The following CYP2C8 variants were observed in gnomAD, a reference collection of about 807,000 sequenced individuals.
The protein encoded by CYP2C8 is cytochrome P450 family 2 subfamily C member 8.
In CYP2C8, 51 loss-of-function variants were observed where a neutral mutation model predicts 41.3. The observed-to-expected ratio is 1.24, with a 90% confidence interval of 0.99 to 1.56. The LOEUF is 1.56. Ranked by LOEUF, CYP2C8 falls within the 40% of genes most tolerant of loss-of-function variation. The pLI is 0.00. For missense variants in CYP2C8, 651 were observed against 579.9 expected (o/e 1.12, Z -1.26); for synonymous variants, 218 against 205.8 (o/e 1.06, Z -0.51).
At chr10:95,060,761 T>C (rs1397043915) in intron 4 of CYP2C8, among the ~76,000 whole-genome samples, 1 of 152,150 alleles carries the variant, frequency 6.6e-6, no homozygotes. Context: ...GCCCATTCAG[T>C]ATGATACTGG....
At chr10:95,050,247 G>T (rs759199679) in intron 5 of CYP2C8, among the ~76,000 whole-genome samples, 1 of 152,086 alleles carries the variant, frequency 6.6e-6, no homozygotes, top group African/African-American at 2.4e-5. Context: ...CAGCTCAGCT[G>T]CAGTACAATA....
intron 5 of CYP2C8, among the ~76,000 whole-genome samples, chr10:95,050,842 A>G (rs1332309924): frequency 6.6e-6 from 1 of 151,622 alleles, no homozygotes; most frequent in Non-Finnish European, 1.5e-5. Flanking sequence ...AGTCCTTTTT[A>G]ATATCTGGAA....
intron 5 of CYP2C8, among the ~76,000 whole-genome samples, chr10:95,054,634 T>A (rs771782636): frequency 3.8e-4 from 58 of 152,170 alleles, no homozygotes; most frequent in Middle Eastern, 3.4e-3. Context: ...TATTTTAAGA[T>A]AACACAATTA....
At chr10:95,041,402 A>C (rs1439264579) in intron 7 of CYP2C8, among the ~76,000 whole-genome samples, 1 of 152,224 alleles carries the variant, frequency 6.6e-6, no homozygotes, top group African/African-American at 2.4e-5. Flanking sequence ...TATGAGAATG[A>C]TTTTTGATAG....
Position 95,039,025 on chromosome 10 carries a change from AT to A in CYP2C8, c.1162del (p.Met388TrpfsTer4). ...NYLIPKGTTIMALLTSVLHDD... is the reference protein window; with the variant it reads ...NYLIPKGTTIXALLTSVLHDD... The stretch of plus-strand genomic sequence containing the variant: ...ATGTAGCACGGAAGTCAGTAATGCC[AT>A]TATGGTTGTGCCCTGGAAGTAACAA... On this transcript the variant is annotated frameshift_variant, in exon 8 of 9. Transcript: ENST00000371270. LOFTEE classifies it high-confidence loss of function. 6.2e-7 allele frequency: 1 copy of A among 1,613,660 alleles called. No homozygotes were observed. The highest frequency in any genetic ancestry group is 8.5e-7 in the Non-Finnish European group (1 of 1,179,536).
intron 5 of CYP2C8, among the ~76,000 whole-genome samples, chr10:95,047,826 C>T (rs1482760819): frequency 6.6e-6 from 1 of 152,172 alleles, no homozygotes; most frequent in African/African-American, 2.4e-5. Context: ...AGTTCCAGCT[C>T]AAGATTACTT....
At chr10:95,061,186 C>G (rs2033420580) in intron 4 of CYP2C8, among the ~76,000 whole-genome samples, 1 of 152,170 alleles carries the variant, frequency 6.6e-6, no homozygotes. Flanking sequence ...CCCTCTTTTT[C>G]TATTGATTGG....
intron 1 of CYP2C8, 37 bp from the exon 2 acceptor site, chr10:95,067,728 G>T: frequency 6.3e-7 from 1 of 1,599,782 alleles, no homozygotes. Flanking sequence ...AAAATAAGTC[G>T]CTATTTGCTC....
intron 5 of CYP2C8, among the ~76,000 whole-genome samples, chr10:95,055,715 G>A (rs11572119): frequency 0.075 from 11,413 of 152,140 alleles, 561 homozygotes; most frequent in Non-Finnish European, 0.1. Flanking sequence ...TATTTCATAC[G>A]TATTTAGTAA....
chr10:95,040,450 G>A (rs1023782651), intron 7 of CYP2C8, among the ~76,000 whole-genome samples: 3 of 152,112 alleles, frequency 2.0e-5, no homozygotes, highest in African/African-American at 7.2e-5. Flanking sequence ...CCTTCATGAA[G>A]ATATAACCTT....
At chr10:95,051,474 C>T (rs1977441457) in intron 5 of CYP2C8, among the ~76,000 whole-genome samples, 1 of 151,866 alleles carries the variant, frequency 6.6e-6, no homozygotes, top group Admixed American at 6.6e-5. Context: ...CTTTCCAAAA[C>T]TAGAGAAAGG....
chr10:95,066,027 T>C (rs1743711205), intron 3 of CYP2C8, among the ~76,000 whole-genome samples: 1 of 152,132 alleles, frequency 6.6e-6, no homozygotes, highest in Admixed American at 6.6e-5. Flanking sequence ...GCTGCTTCTA[T>C]GCCAGACTCC....
intron 7 of CYP2C8, among the ~76,000 whole-genome samples, chr10:95,042,357 A>C (rs976215576): frequency 1.3e-5 from 2 of 152,170 alleles, no homozygotes; most frequent in African/African-American, 4.8e-5. Context: ...TAAGGTCATC[A>C]GAATAGTATA....
chr10:95,048,848 G>A (rs771354681), intron 5 of CYP2C8, among the ~76,000 whole-genome samples: 6 of 152,082 alleles, frequency 3.9e-5, no homozygotes, highest in Non-Finnish European at 7.4e-5. Flanking sequence ...ACTTAAATAT[G>A]AGACTTGAAA....
chr10:95,052,776 G>T (rs966643874), intron 5 of CYP2C8, among the ~76,000 whole-genome samples: 1 of 151,980 alleles, frequency 6.6e-6, no homozygotes, highest in Non-Finnish European at 1.5e-5. Context: ...AAAAAACAGG[G>T]TATAGAAGGA....
chr10:95,053,766 G>C (rs539498177), intron 5 of CYP2C8, among the ~76,000 whole-genome samples: 1 of 152,158 alleles, frequency 6.6e-6, no homozygotes, highest in Non-Finnish European at 1.5e-5. Context: ...GGCCTGTTGG[G>C]GGGTGGGGAG....
chr10:95,058,448 T>A lies in CYP2C8; in HGVS notation c.706A>T (p.Asn236Tyr), dbSNP rs2033354932. The A allele has an allele frequency of 6.2e-7, 1 of 1,613,282 alleles. No individual in the cohort carries two copies. The highest frequency in any genetic ancestry group is 8.5e-7 in the Non-Finnish European group (1 of 1,179,644). The change falls in exon 5 of 9, where the codon AAT becomes TAT. Residue 236 changes from asparagine to tyrosine, a missense_variant. Asn to Tyr is a moderately radical substitution (Grantham distance 143). Coordinates refer to ENST00000371270, the MANE Select transcript of CYP2C8 (RefSeq NM_000770.3). ...ATGTAACTTCGTGTAAGAGCAACAT[T>A]TTTAAGCACTTTGTTGTGAGTTCCT... The part of the protein sequence containing the change: ...FPGTHNKVLK[N>Y]VALTRSYIRE...
At chr10:95,062,997 C>T (rs2033472277) in intron 4 of CYP2C8, among the ~76,000 whole-genome samples, 1 of 152,162 alleles carries the variant, frequency 6.6e-6, no homozygotes, top group Non-Finnish European at 1.5e-5. Context: ...AGAGTTTCTG[C>T]CGAGAGATCC....
chr10:95,040,493 T>C (rs1435401870), intron 7 of CYP2C8, among the ~76,000 whole-genome samples: 1 of 152,226 alleles, frequency 6.6e-6, no homozygotes, highest in Non-Finnish European at 1.5e-5. Flanking sequence ...ATAAGTGGAA[T>C]TGTGTAGTTT....
Sources: allele counts gnomAD v4.1 joint callset (sites outside exome capture counted in the v4.1 genomes callset), GRCh38; gene constraint gnomAD v4.1.1; transcripts MANE v1.5; gene names NCBI Gene and HGNC (gene_info 2026-07-23, HGNC 2026-07-21).